CACNA2D1: variants seen among roughly 807,000 people sequenced by gnomAD.
The protein encoded by CACNA2D1 is voltage-dependent calcium channel subunit alpha-2/delta-1.
Under a neutral mutation model 171.5 loss-of-function variants are expected in CACNA2D1, and 53 were observed. The observed-to-expected ratio is 0.31, with a 90% CI of 0.25 to 0.39. The LOEUF (loss-of-function observed/expected upper bound fraction) is 0.39. CACNA2D1 is among the 10% of genes least tolerant of loss of function. The pLI is 1.00. For missense variants in CACNA2D1, 903 were observed against 1,299.8 expected, an observed-to-expected ratio of 0.69 and a Z score of 4.69; for synonymous variants, 442 against 443.1, an observed-to-expected ratio of 1.00 and a Z score of 0.03.
chr7:82,429,695 C>T (rs1829509962), intron 1 of CACNA2D1, among the ~76,000 whole-genome samples: 1 of 152,088 alleles, frequency 6.6e-6, no homozygotes, highest in African/African-American at 2.4e-5. Context: ...AGTTACCATT[C>T]CCCTATGTTT....
intron 3 of CACNA2D1, among the ~76,000 whole-genome samples, chr7:82,236,660 C>G (rs1375458606): frequency 6.6e-6 from 1 of 151,952 alleles, no homozygotes; most frequent in East Asian, 1.9e-4. Flanking sequence ...AGAATTCAAC[C>G]AAAGCTATTA....
chr7:81,952,221 A>C (rs2129977511), intron 38 of CACNA2D1, among the ~76,000 whole-genome samples: 1 of 152,032 alleles, frequency 6.6e-6, no homozygotes, highest in East Asian at 1.9e-4. Context: ...GAATCTGCTA[A>C]TCCAAGGTAG....
intron 19 of CACNA2D1, among the ~76,000 whole-genome samples, chr7:81,996,222 A>ACT (rs200224986): frequency 0.018 from 2,667 of 152,230 alleles, 74 homozygotes; most frequent in African/African-American, 0.055. Flanking sequence ...CATTTTGGTC[A>ACT]CTCACTGGAG....
chr7:82,261,304 C>T (rs1275366701), intron 3 of CACNA2D1, among the ~76,000 whole-genome samples: 2 of 152,166 alleles, frequency 1.3e-5, no homozygotes, highest in South Asian at 2.1e-4. Flanking sequence ...ATAGAAGACA[C>T]TTTGGCAAAC....
intron 18 of CACNA2D1, among the ~76,000 whole-genome samples, chr7:81,999,492 A>T (rs1021475449): frequency 3.3e-5 from 5 of 152,200 alleles, no homozygotes; most frequent in African/African-American, 1.2e-4. Flanking sequence ...ATGTTAACAA[A>T]TTTTAAATTG....
chr7:82,012,245 T>A lies in CACNA2D1; in HGVS notation c.1273-2A>T. On this transcript the variant is annotated splice_acceptor_variant, in intron 14 of 38. Coordinates refer to ENST00000356860, the MANE Select transcript of CACNA2D1 (RefSeq NM_000722.4). LOFTEE classifies it high-confidence loss of function. ...TCTTCCCAAAACATCCAAATATTCC[T>A]GTTTATGGGAAAAAAAAAAAAAGTC... is the stretch of plus-strand genomic sequence containing the variant. 1 of 1,547,706 alleles carries A rather than the reference T, an allele frequency of 6.5e-7. No individual in the cohort carries two copies. The highest frequency in any genetic ancestry group is 8.9e-7 in the Non-Finnish European group (1 of 1,129,692).
At chr7:82,331,696 G>GGAAATAAGAAAGAA (rs924348112) in intron 3 of CACNA2D1, among the ~76,000 whole-genome samples, 2 of 152,068 alleles carry the variant, frequency 1.3e-5, no homozygotes, top group African/African-American at 4.8e-5. Flanking sequence ...CATTCCAAAT[G>GGAAATAAGAAAGAA]AGAAATAAGA....
intron 2 of CACNA2D1, among the ~76,000 whole-genome samples, chr7:82,344,331 G>A (rs1819008358): frequency 1.3e-5 from 2 of 152,240 alleles, no homozygotes; most frequent in African/African-American, 2.4e-5. Flanking sequence ...ATGTATGCCA[G>A]GGCACAAAAC....
At chr7:81,961,428 AAAAAC>A (rs772670515) in intron 36 of CACNA2D1, among the ~76,000 whole-genome samples, 57 of 152,008 alleles carry the variant, frequency 3.7e-4, no homozygotes, top group Admixed American at 8.5e-4. Flanking sequence ...GACTAGAAGT[AAAAAC>A]AAAACAAAAC....
chr7:82,060,211 A>AAAATAT (rs1806623260), intron 10 of CACNA2D1, among the ~76,000 whole-genome samples: 4 of 31,336 alleles, frequency 1.3e-4, no homozygotes, highest in African/African-American at 4.2e-4. Context: ...TTATATATAT[A>AAAATAT]ATATATATAT....
intron 1 of CACNA2D1, among the ~76,000 whole-genome samples, chr7:82,392,822 G>A (rs1052600008): frequency 6.6e-6 from 1 of 152,000 alleles, no homozygotes; most frequent in Non-Finnish European, 1.5e-5. Context: ...TTAGAAATAT[G>A]TTGCTTTGGA....
At chr7:82,104,753 G>A (rs1436025611) in intron 6 of CACNA2D1, among the ~76,000 whole-genome samples, 1 of 151,984 alleles carries the variant, frequency 6.6e-6, no homozygotes, top group Non-Finnish European at 1.5e-5. Flanking sequence ...GAGTAAATAT[G>A]AACTCCTATG....
chr7:82,074,720 C>A (rs1347045576), intron 7 of CACNA2D1, among the ~76,000 whole-genome samples: 1 of 152,124 alleles, frequency 6.6e-6, no homozygotes, highest in African/African-American at 2.4e-5. Context: ...GTCTTTCCTC[C>A]TTCGTCCAGA....
chr7:82,193,182 A>G (rs1798512524), intron 3 of CACNA2D1, among the ~76,000 whole-genome samples: 1 of 138,922 alleles, frequency 7.2e-6, no homozygotes, highest in Admixed American at 7.2e-5. Context: ...AATTCAAGTA[A>G]ATAAGGCCAA....
intron 7 of CACNA2D1, among the ~76,000 whole-genome samples, chr7:82,077,394 A>C (rs1809111057): frequency 6.6e-6 from 1 of 152,176 alleles, no homozygotes; most frequent in African/African-American, 2.4e-5. Context: ...AAAGAAGAAT[A>C]CCATTCTTTG....
intron 3 of CACNA2D1, among the ~76,000 whole-genome samples, chr7:82,262,464 T>A (rs1807251297): frequency 6.6e-6 from 1 of 152,196 alleles, no homozygotes; most frequent in African/African-American, 2.4e-5. Flanking sequence ...GAGAAAGCTT[T>A]AGCCTACACT....
rs185019570 is a variant in CACNA2D1 at position 82,045,968 on chromosome 7, G to T, written c.880-7733C>A. Among the ~76,000 whole-genome samples the T allele has an allele frequency of 9.9e-5, 15 of 152,178 alleles. No individual in the cohort carries two copies. The East Asian group carries it at 2.9e-3, about 29-fold the overall frequency. On this transcript the variant is annotated intron_variant, in intron 10 of 38. Coordinates refer to ENST00000356860, the MANE Select transcript of CACNA2D1 (RefSeq NM_000722.4). Reference sequence around the variant, plus strand: ...TTTCAATTACAGTTTAATAACAGAGGAGAAAGCTACCACATCCCGTCATGT... The same window carrying T: ...TTTCAATTACAGTTTAATAACAGAGTAGAAAGCTACCACATCCCGTCATGT...
chr7:82,163,590 T>C (rs1697406608), intron 4 of CACNA2D1, among the ~76,000 whole-genome samples: 1 of 152,060 alleles, frequency 6.6e-6, no homozygotes, highest in African/African-American at 2.4e-5. Flanking sequence ...ATGAGCCGTT[T>C]TCTTCAGAAC....
At chr7:82,323,294 G>A (rs748883281) in intron 3 of CACNA2D1, among the ~76,000 whole-genome samples, 8 of 151,804 alleles carry the variant, frequency 5.3e-5, no homozygotes, top group Non-Finnish European at 8.8e-5. Context: ...AATGACATAC[G>A]GATTTTTTTC....
Sources: allele counts gnomAD v4.1 joint callset (sites outside exome capture counted in the v4.1 genomes callset), GRCh38; gene constraint gnomAD v4.1.1; transcripts MANE v1.5; gene names NCBI Gene and HGNC (gene_info 2026-07-23, HGNC 2026-07-21).